Variants in DNAH11 observed in about 807,000 individuals in gnomAD.
DNAH11 encodes the protein axonemal beta dynein heavy chain 11.
In DNAH11, 442 loss-of-function variants were observed where a neutral mutation model predicts 526.0. The ratio of observed to expected loss-of-function variants is 0.84; its 90% CI spans 0.78 to 0.91. DNAH11 has a LOEUF of 0.91. DNAH11 is among the 40% of genes least tolerant of loss of function. DNAH11 has a pLI of 0.00. For missense variants in DNAH11, 6,989 were observed against 5,448.7 expected (o/e 1.28, Z -8.90); for synonymous variants, 2,461 against 1,935.9 (o/e 1.27, Z -7.12).
At chr7:21,585,376 C>T (rs536630324) in intron 9 of DNAH11, among the ~76,000 whole-genome samples, 1 of 152,228 alleles carries the variant, frequency 6.6e-6, no homozygotes, top group South Asian at 2.1e-4. Flanking sequence ...AAAAATATTG[C>T]ATCCATAGGG....
chr7:21,821,115 A>T (rs1337725760), intron 65 of DNAH11, among the ~76,000 whole-genome samples: 2 of 152,138 alleles, frequency 1.3e-5, no homozygotes, highest in African/African-American at 4.8e-5. Flanking sequence ...AAAAAGGAAG[A>T]TTTAAGGATG....
rs1468778746 is a variant in DNAH11 at position 21,711,055 on chromosome 7, G to T, written c.6834+352G>T. Among the ~76,000 whole-genome samples the T allele has an allele frequency of 2.6e-5, 4 of 152,298 alleles. No homozygotes were observed. The East Asian group carries it at 7.7e-4, about 29-fold the overall frequency. On this transcript the variant is annotated intron_variant, in intron 41 of 81. Transcript: ENST00000409508. The stretch of plus-strand genomic sequence containing the variant: ...ACTTAGACAATGAAAGAACGGGTTT[G>T]TGCCATATGATGATTGAAATTAACT...
At position 21,816,712 on chromosome 7, in the gene DNAH11, G is replaced by C. The variant is rs764686943; in HGVS notation, c.10568+10G>C. On this transcript the variant is annotated intron_variant, in intron 64 of 81. Coordinates refer to ENST00000409508, the MANE Select transcript of DNAH11 (RefSeq NM_001277115.2). ...ATTTGGGCCAGAAAGGGTATGTGAA[G>C]TTTGAAGAGACTGGCTTTCTGTTTA... 1 of 1,610,208 alleles carries C rather than the reference G, an allele frequency of 6.2e-7. No homozygotes were observed. Among genetic ancestry groups the C allele is most frequent in the African/African-American group, 1.3e-5 (1 of 74,840 alleles).
intron 74 of DNAH11, among the ~76,000 whole-genome samples, chr7:21,874,358 A>G (rs919842049): frequency 6.6e-6 from 1 of 150,840 alleles, no homozygotes; most frequent in Non-Finnish European, 1.5e-5. Context: ...TTTTTGAGAC[A>G]GAGTTTTGCT....
chr7:21,866,343 T>A, intron 70 of DNAH11, 127 bp from the exon 71 acceptor site: 1 of 734,464 alleles, frequency 1.4e-6, no homozygotes, highest in Non-Finnish European at 2.0e-6. Flanking sequence ...AAAGGAAATC[T>A]GAAGAGGAGA....
At position 21,561,158 on chromosome 7, in the gene DNAH11, G is replaced by T. The variant is rs543759119; in HGVS notation, c.970G>T (p.Ala324Ser). The change falls in exon 5 of 82, where the codon GCT becomes TCT. Residue 324 changes from alanine (A) to serine (S), a missense_variant. Ala to Ser is a moderately conservative substitution (Grantham distance 99). Transcript: ENST00000409508. ...TCCTACTCTGAAGGACATTTTTCTG[G>T]CTGTGGAAAATGGTAAGACTCTTGT... ...YFPTLKDIFL[A>S]VENALLEAQD... 6.3e-7 allele frequency: 1 copy of T among 1,591,326 alleles called. No homozygotes were observed. The highest frequency in any genetic ancestry group is 8.6e-7 in the Non-Finnish European group (1 of 1,167,768).
intron 58 of DNAH11, among the ~76,000 whole-genome samples, chr7:21,785,871 T>C (rs910574998): frequency 1.3e-5 from 2 of 152,200 alleles, no homozygotes; most frequent in Admixed American, 1.3e-4. Context: ...TTTGATAAGG[T>C]TTTATAAGCA....
intron 10 of DNAH11, 117 bp from the exon 11 acceptor site, chr7:21,588,395 A>C: frequency 2.2e-6 from 3 of 1,386,430 alleles, no homozygotes; most frequent in Non-Finnish European, 3.0e-6. Flanking sequence ...CAAGTGATTA[A>C]ACACATATGT....
At chr7:21,809,808 C>A (rs1169660050) in intron 63 of DNAH11, among the ~76,000 whole-genome samples, 1 of 152,134 alleles carries the variant, frequency 6.6e-6, no homozygotes, top group East Asian at 1.9e-4. Context: ...TCAGGTGATT[C>A]ACCCGCCTCA....
chr7:21,641,150 G>A (rs1787110032), intron 28 of DNAH11, among the ~76,000 whole-genome samples: 1 of 152,154 alleles, frequency 6.6e-6, no homozygotes, highest in Non-Finnish European at 1.5e-5. Flanking sequence ...TTCTACCTAG[G>A]CAGATGTCCA....
At chr7:21,864,471 T>C in intron 69 of DNAH11, 64 bp from the exon 70 acceptor site, 1 of 1,550,360 alleles carries the variant, frequency 6.5e-7, no homozygotes, top group East Asian at 2.3e-5. Flanking sequence ...AATGTGTGAC[T>C]ACTTCCTGTG....
chr7:21,762,214 C>G lies in DNAH11; in HGVS notation c.8941-3214C>G, dbSNP rs184398819. On this transcript the variant is annotated intron_variant, in intron 54 of 81. Transcript: ENST00000409508. ...ATTTGGGTATGGACACAGAGGCAAA[C>G]CATACCAATAATGAGGCCTTATCAC... Among the ~76,000 whole-genome samples the G allele has an allele frequency of 2.8e-3, 433 of 152,202 alleles. 2 individuals carry two copies. The highest frequency in any genetic ancestry group is 0.01 in the African/African-American group (418 of 41,520).
chr7:21,682,557 T>C (rs965076856), intron 31 of DNAH11, among the ~76,000 whole-genome samples: 1 of 149,520 alleles, frequency 6.7e-6, no homozygotes, highest in Non-Finnish European at 1.5e-5. Flanking sequence ...AAAATTTCTG[T>C]GTGTCTTTAA....
chr7:21,726,815 C>A lies in DNAH11; in HGVS notation c.7440+831C>A, dbSNP rs1175813483. On this transcript the variant is annotated intron_variant, in intron 45 of 81. Transcript: ENST00000409508. ...GGCGGAGGTCGCGGTGAGCCGAGAT[C>A]GCGCCACTGCACTCCAGCCTGGGCG... 7.4e-5 allele frequency among the ~76,000 whole-genome samples: 7 copies of A among 94,288 alleles called. 1 individual carries two copies. In the East Asian group the frequency reaches 2.2e-3, roughly 29 times the overall value. The allele number at this position is 94,288 out of a possible 152,430, so 61.9% of individuals were successfully genotyped here.
At position 21,818,295 on chromosome 7, in the gene DNAH11, A is replaced by C. The variant is rs560469046; in HGVS notation, c.10647A>C (p.Pro3549=). 1 of 1,611,036 alleles carries C rather than the reference A, an allele frequency of 6.2e-7. No homozygotes were observed. Among genetic ancestry groups the C allele is most frequent in the East Asian group, 2.2e-5 (1 of 44,748 alleles). The change falls in exon 65 of 82, where the codon CCA becomes CCC. Residue 3549 remains proline (P), a synonymous_variant. Transcript: ENST00000409508. ...LIENLEETID[P]VLDPLLGRNT... ...AAAATCTCGAGGAAACGATAGATCC[A>C]GTCCTGGATCCACTACTTGGCAGGA...
At chr7:21,812,029 C>T (rs565420983) in intron 63 of DNAH11, among the ~76,000 whole-genome samples, 19 of 152,170 alleles carry the variant, frequency 1.2e-4, no homozygotes, top group African/African-American at 3.1e-4. Flanking sequence ...ATAATCTTCC[C>T]GGGTGATTCT....
intron 48 of DNAH11, among the ~76,000 whole-genome samples, chr7:21,741,474 C>T (rs1271394663): frequency 1.3e-5 from 2 of 152,224 alleles, no homozygotes; most frequent in Non-Finnish European, 2.9e-5. Context: ...CAGCTACCCC[C>T]AGCATACATT....
At chr7:21,682,997 T>C (rs943885709) in intron 31 of DNAH11, among the ~76,000 whole-genome samples, 1 of 152,194 alleles carries the variant, frequency 6.6e-6, no homozygotes, top group African/African-American at 2.4e-5. Context: ...AATATGGCCT[T>C]GTATCTTCTT....
In DNAH11 at chr7:21,710,538, T is replaced by C. The variant is rs1784420842; in HGVS notation, c.6684-15T>C. Reference sequence around the variant, plus strand: ...ATCGTAGAAATAAACAGCACTCAACTACATTATATATTAGGATTGTTTACT... The same window carrying C: ...ATCGTAGAAATAAACAGCACTCAACCACATTATATATTAGGATTGTTTACT... On this transcript the variant is annotated splice_polypyrimidine_tract_variant and intron_variant, in intron 40 of 81. Coordinates refer to ENST00000409508, the MANE Select transcript of DNAH11 (RefSeq NM_001277115.2). 1 of 1,583,090 alleles carries C rather than the reference T, an allele frequency of 6.3e-7. No individual in the cohort carries two copies. Among genetic ancestry groups the C allele is most frequent in the Non-Finnish European group, 8.6e-7 (1 of 1,160,584 alleles).
Sources: allele counts gnomAD v4.1 joint callset (sites outside exome capture counted in the v4.1 genomes callset), GRCh38; gene constraint gnomAD v4.1.1; transcripts MANE v1.5; gene names NCBI Gene and HGNC (gene_info 2026-07-23, HGNC 2026-07-21).